The following CREBBP variants were observed in gnomAD, a reference collection of about 807,000 sequenced individuals.
CREBBP encodes the protein CREB binding lysine acetyltransferase, also known as CREB-binding protein.
In CREBBP, 19 loss-of-function variants were observed where a neutral mutation model predicts 265.0. The observed-to-expected ratio is 0.07, with a 90% CI of 0.05 to 0.11. CREBBP has a LOEUF of 0.11. Ranked by LOEUF, CREBBP falls within the 10% of genes least tolerant of loss-of-function variation. The pLI, the probability that CREBBP is intolerant of heterozygous loss-of-function variation, is 1.00. For synonymous variants in CREBBP, 1,457 were observed against 1,223.7 expected (o/e 1.19, Z -3.98); for missense variants, 2,525 against 3,219.0 (o/e 0.78, Z 5.22).
At chr16:3,738,781 T>C in intron 25 of CREBBP, 109 bp from the exon 26 acceptor site, 1 of 768,632 alleles carries the variant, frequency 1.3e-6, no homozygotes. Context: ...GGTCTTGCTC[T>C]GTCATTCAGG....
chr16:3,803,363 G>C (rs1338787516), intron 3 of CREBBP, among the ~76,000 whole-genome samples: 1 of 147,086 alleles, frequency 6.8e-6, no homozygotes, highest in African/African-American at 2.5e-5. Context: ...AAATTAGCCA[G>C]GTGCGGTGGC....
At chr16:3,878,646 G>A (rs2055452653) in intron 1 of CREBBP, among the ~76,000 whole-genome samples, 1 of 152,160 alleles carries the variant, frequency 6.6e-6, no homozygotes, top group South Asian at 2.1e-4. Flanking sequence ...AAGTTGAACA[G>A]CTGTGTCTAG....
At chr16:3,867,604 AAAG>A (rs1404215763) in intron 1 of CREBBP, among the ~76,000 whole-genome samples, 1 of 152,050 alleles carries the variant, frequency 6.6e-6, no homozygotes, top group Non-Finnish European at 1.5e-5. Context: ...TACCGTTAAA[AAAG>A]AAGACTTAAT....
chr16:3,767,095 T>C (rs1198532676), intron 16 of CREBBP, among the ~76,000 whole-genome samples: 1 of 152,188 alleles, frequency 6.6e-6, no homozygotes, highest in Non-Finnish European at 1.5e-5. Context: ...TACCCTGTTA[T>C]CTCTTTACTG....
intron 8 of CREBBP, among the ~76,000 whole-genome samples, chr16:3,780,100 G>C (rs1046167660): frequency 6.6e-6 from 1 of 151,960 alleles, no homozygotes; most frequent in Non-Finnish European, 1.5e-5. Context: ...AAAGTAGCTG[G>C]GGGTGGTGGC....
chr16:3,736,209 T>C lies in CREBBP; in HGVS notation c.4561-6A>G, dbSNP rs762598235. Reference sequence around the variant, plus strand: ...GTTGCTTGTTTGAAAATATCCTGAGTGGGCAAAGCACAACAGTGAGATGAG... The same window carrying C: ...GTTGCTTGTTTGAAAATATCCTGAGCGGGCAAAGCACAACAGTGAGATGAG... On this transcript the variant is annotated splice_region_variant and splice_polypyrimidine_tract_variant and intron_variant, in intron 27 of 30. Coordinates refer to ENST00000262367, the MANE Select transcript of CREBBP (RefSeq NM_004380.3). 1.9e-6 allele frequency: 3 copies of C among 1,613,968 alleles called. No individual in the cohort carries two copies. The highest frequency in any genetic ancestry group is 2.5e-6 in the Non-Finnish European group (3 of 1,179,958).
chr16:3,762,574 C>T (rs1171740066), intron 16 of CREBBP, among the ~76,000 whole-genome samples: 1 of 151,896 alleles, frequency 6.6e-6, no homozygotes, highest in Non-Finnish European at 1.5e-5. Flanking sequence ...ATGTGAACTG[C>T]GCCGCTCCCC....
intron 3 of CREBBP, among the ~76,000 whole-genome samples, chr16:3,800,853 A>G (rs984594239): frequency 6.6e-6 from 1 of 152,252 alleles, no homozygotes; most frequent in African/African-American, 2.4e-5. Context: ...AAAGACTGGC[A>G]TTCTTTCTAT....
intron 13 of CREBBP, 28 bp downstream of exon 13, chr16:3,773,723 G>T (rs2053068308): frequency 6.2e-7 from 1 of 1,610,744 alleles, no homozygotes; most frequent in Non-Finnish European, 8.5e-7. Flanking sequence ...ATTTCCTAGG[G>T]AGCCACGGTC....
At chr16:3,852,185 G>C (rs1308746357) in intron 1 of CREBBP, among the ~76,000 whole-genome samples, 3 of 54,290 alleles carry the variant, frequency 5.5e-5, no homozygotes, top group East Asian at 6.0e-4. Context: ...TTTTTTTTGA[G>C]ACAGAGTCTC....
rs2054762608 is a variant in CREBBP, at chr16:3,849,440, T to TGTGTGTGTGTGTGTGTGTGTGTGTGTGTG, written c.798+828_798+856dup. ...GTGTGTGTGTGTGTGTGTGTGTGTG[T>TGTGTGTGTGTGTGTGTGTGTGTGTGTGTG]GTGTGTGTGTGTGTGTGTGTGTGTG... is the stretch of plus-strand genomic sequence containing the variant. On this transcript the variant is annotated intron_variant, in intron 2 of 30. Coordinates refer to ENST00000262367, the MANE Select transcript of CREBBP (RefSeq NM_004380.3). Among the ~76,000 whole-genome samples, 6 of 14,888 alleles carry TGTGTGTGTGTGTGTGTGTGTGTGTGTGTG rather than the reference T, an allele frequency of 4.0e-4. 1 individual carries two copies. Among genetic ancestry groups the TGTGTGTGTGTGTGTGTGTGTGTGTGTGTG allele is most frequent in the African/African-American group, 6.2e-4 (6 of 9,708 alleles). 9.8% of individuals were successfully genotyped at this position (14,888 alleles called of 152,430 possible).
rs2151320149 is a variant in CREBBP at position 3,731,998 on chromosome 16, C to A, written c.4729-61G>T. 6.2e-7 allele frequency: 1 copy of A among 1,612,856 alleles called. No homozygotes were observed. Among genetic ancestry groups the A allele is most frequent in the African/African-American group, 1.3e-5 (1 of 75,048 alleles). On this transcript the variant is annotated intron_variant, in intron 28 of 30. Transcript: ENST00000262367. The surrounding 1 kb of genome is among the most constrained non-coding windows in gnomAD (Gnocchi z 7.7). ...TGCCCCTCCACACTTGGCACGGACGCCCAGCTCCCAGGCCGTGGGCATCAG... is the reference window on the plus strand; with the variant it reads ...TGCCCCTCCACACTTGGCACGGACGACCAGCTCCCAGGCCGTGGGCATCAG...
chr16:3,740,130 A>C (rs2052165550), intron 24 of CREBBP, among the ~76,000 whole-genome samples: 1 of 152,254 alleles, frequency 6.6e-6, no homozygotes, highest in Non-Finnish European at 1.5e-5. Flanking sequence ...GCAAGAGATT[A>C]ACAAGAATAA....
rs920648124 is a variant in CREBBP, at chr16:3,727,181, T to C, written c.*537A>G. 4.1e-6 allele frequency: 1 copy of C among 242,462 alleles called. No homozygotes were observed. The highest frequency in any genetic ancestry group is 2.2e-5 in the African/African-American group (1 of 45,368). 15.0% of individuals were successfully genotyped at this position (242,462 alleles called of 1,614,324 possible). On this transcript the variant is annotated 3_prime_UTR_variant, in exon 31 of 31. Coordinates refer to ENST00000262367, the MANE Select transcript of CREBBP (RefSeq NM_004380.3). The stretch of plus-strand genomic sequence containing the variant: ...GTGTGTGCACGCCGGAGTCAATTCC[T>C]ATCATCCAGGGTAATACTGGGAGAC...
rs1323020258 is a variant in CREBBP, at chr16:3,735,906, T to C, written c.4728+130A>G. ...CACCAACGCCCTGTGCTGCAGGTGG[T>C]GTCGACGTGCATGTGTGAACGGAGA... On this transcript the variant is annotated intron_variant, in intron 28 of 30. Coordinates refer to ENST00000262367, the MANE Select transcript of CREBBP (RefSeq NM_004380.3). 2.1e-6 allele frequency: 3 copies of C among 1,426,338 alleles called. No homozygotes were observed. In the African/African-American group the frequency reaches 4.2e-5, roughly 20 times the overall value. The allele number at this position is 1,426,338 out of a possible 1,614,324, so 88.4% of individuals were successfully genotyped here.
intron 3 of CREBBP, among the ~76,000 whole-genome samples, chr16:3,800,408 T>C (rs2053689054): frequency 6.6e-6 from 1 of 152,228 alleles, no homozygotes; most frequent in South Asian, 2.1e-4. Context: ...TATGAGCCAT[T>C]GCACCCGGCC....
At chr16:3,835,875 C>A (rs974309371) in intron 2 of CREBBP, among the ~76,000 whole-genome samples, 3 of 151,648 alleles carry the variant, frequency 2.0e-5, no homozygotes, top group African/African-American at 7.3e-5. Flanking sequence ...CCACCGCGCC[C>A]GGCAGAAGAT....
chr16:3,850,410 G>A lies in CREBBP; in HGVS notation c.685C>T (p.Pro229Ser), dbSNP rs771371997. The change falls in exon 2 of 31, where the codon CCA (proline) becomes TCA (serine). Residue 229 changes from proline (P) to serine (S), a missense_variant. Pro to Ser is a moderately conservative substitution (Grantham distance 74, BLOSUM62 -1). Transcript: ENST00000262367. ...CTGCTCGAGGCGCCCTGCATGGCTG[G>A]AGTAGGGTACGGCATTCCAGCTCCC... ...GRGAGMPYPT[P>S]AMQGASSSVL... The A allele has an allele frequency of 6.2e-7, 1 of 1,614,256 alleles. No individual in the cohort carries two copies. The highest frequency in any genetic ancestry group is 8.5e-7 in the Non-Finnish European group (1 of 1,180,052).
intron 2 of CREBBP, among the ~76,000 whole-genome samples, chr16:3,833,880 A>C (rs1452091989): frequency 6.6e-6 from 1 of 152,208 alleles, no homozygotes; most frequent in Non-Finnish European, 1.5e-5. Flanking sequence ...TGCAAGAAAC[A>C]CATCTGATAA....
Sources: gnomAD v4.1 joint callset for allele counts (sites outside exome capture counted in the v4.1 genomes callset) on GRCh38, gnomAD v4.1.1 for gene constraint, Gnocchi (gnomAD v3.1) non-coding constraint, MANE v1.5 for transcripts, NCBI Gene and HGNC (gene_info 2026-07-23, HGNC 2026-07-21) for gene names.